GNAS-AS1: variants seen among roughly 807,000 people sequenced by gnomAD.
GNAS-AS1 encodes GNAS antisense RNA 1 (non-protein coding).
At chr20:58,839,055 T>G (rs2085640282) in intron 4 of GNAS-AS1, 1 of 398,432 alleles carries the variant, frequency 2.5e-6, no homozygotes, top group Non-Finnish European at 4.4e-6. Context: ...GACTTCCCTT[T>G]ACCCATGCTC....
intron 4 of GNAS-AS1, chr20:58,836,202 G>C (rs1039183960): frequency 6.6e-6 from 1 of 152,104 alleles, no homozygotes. Context: ...ACTTGCTCAC[G>C]CACACCACGA....
In GNAS-AS1 at chr20:58,840,369, A is replaced by G. The variant is rs369511579; in HGVS notation, n.819+1568T>C. 75 of 1,613,218 alleles carry G rather than the reference A, an allele frequency of 4.6e-5. No individual in the cohort carries two copies. Among genetic ancestry groups the G allele is most frequent in the Admixed American group, 2.0e-4 (12 of 60,006 alleles). ...CCCGAATCGGAATCTGACCACGAGC[A>G]CGAGGAGGCAGACCTTGAGCTGTCC... On this transcript the variant is annotated intron_variant and non_coding_transcript_variant, in intron 4 of 4. Transcript: ENST00000424094. The surrounding 1 kb of genome is among the most constrained non-coding windows in gnomAD (Gnocchi z 6.0).
At chr20:58,839,002 C>G (rs1467983247) in intron 4 of GNAS-AS1, 2 of 398,140 alleles carry the variant, frequency 5.0e-6, no homozygotes, top group East Asian at 7.1e-5. Context: ...CCTGAACTGC[C>G]CCGCAGGAGA....
chr20:58,830,023 A>C (rs886898942), intron 4 of GNAS-AS1, among the ~76,000 whole-genome samples: 2 of 152,106 alleles, frequency 1.3e-5, no homozygotes, highest in Non-Finnish European at 2.9e-5. Context: ...GGAAAGTGAA[A>C]TTAAAAAGAA....
At chr20:58,849,370 T>C (rs2086062287) in intron 1 of GNAS-AS1, among the ~76,000 whole-genome samples, 1 of 152,208 alleles carries the variant, frequency 6.6e-6, no homozygotes, top group East Asian at 1.9e-4. Context: ...TCTCCCTTTT[T>C]CCTGTCCAGT....
chr20:58,840,409 A>G lies in GNAS-AS1; in HGVS notation n.819+1528T>C, dbSNP rs1473205048. ...TTGAGCTGTCCCTCCCCGAGTGCCT[A>G]GAGTACGAGGAAGAGTTCGACTACG... is the stretch of plus-strand genomic sequence containing the variant. On this transcript the variant is annotated intron_variant and non_coding_transcript_variant, in intron 4 of 4. Coordinates refer to ENST00000424094, the Ensembl canonical transcript of GNAS-AS1. This position sits in a 1 kb window ranked among gnomAD's most constrained non-coding sequence, Gnocchi z 6.0. 1.2e-6 allele frequency: 2 copies of G among 1,613,484 alleles called. No homozygotes were observed. The highest frequency in any genetic ancestry group is 2.2e-5 in the South Asian group (2 of 91,082).
In GNAS-AS1 at chr20:58,841,471, G is replaced by C. The variant is rs1331938929; in HGVS notation, n.819+466C>G. 5.0e-6 allele frequency: 5 copies of C among 991,666 alleles called. No individual in the cohort carries two copies. Among genetic ancestry groups the C allele is most frequent in the Non-Finnish European group, 6.0e-6 (5 of 834,220 alleles). The allele number at this position is 991,666 out of a possible 1,614,324, so 61.4% of individuals were successfully genotyped here. ...CGCGGCGCCTAAGCAGCTCAGAGCCGGAGCCCAGGTCCCAGAGCTGACAAT... is the reference window on the plus strand; with the variant it reads ...CGCGGCGCCTAAGCAGCTCAGAGCCCGAGCCCAGGTCCCAGAGCTGACAAT... On this transcript the variant is annotated intron_variant and non_coding_transcript_variant, in intron 4 of 4. Transcript: ENST00000424094. The surrounding 1 kb of genome is among the most constrained non-coding windows in gnomAD (Gnocchi z 5.0).
At chr20:58,823,498 T>C (rs576386233) in intron 4 of GNAS-AS1, among the ~76,000 whole-genome samples, 38 of 152,338 alleles carry the variant, frequency 2.5e-4, no homozygotes, top group African/African-American at 8.4e-4. Flanking sequence ...GCCTGGAGCA[T>C]GCGGTGATGT....
chr20:58,831,444 A>T (rs2085568077), intron 4 of GNAS-AS1, among the ~76,000 whole-genome samples: 1 of 152,224 alleles, frequency 6.6e-6, no homozygotes. Context: ...TGGGAGGCCG[A>T]GGCGGGCAGA....
rs1190126697 is a variant in GNAS-AS1 at position 58,840,199 on chromosome 20, G to A, written n.819+1738C>T. The A allele has an allele frequency of 2.5e-6, 4 of 1,611,038 alleles. No individual in the cohort carries two copies. The highest frequency in any genetic ancestry group is 1.1e-5 in the South Asian group (1 of 91,066). On this transcript the variant is annotated intron_variant and non_coding_transcript_variant, in intron 4 of 4. Transcript: ENST00000424094. The surrounding 1 kb of genome is among the most constrained non-coding windows in gnomAD (Gnocchi z 6.0). Reference sequence around the variant, plus strand: ...CCATAGGCCGCCGGGCAGCCACCGCGCTCCTCTGGCTCTCCTGCTCCATCG... The same window carrying A: ...CCATAGGCCGCCGGGCAGCCACCGCACTCCTCTGGCTCTCCTGCTCCATCG...
At chr20:58,830,388 CCACCACCATCACTGCCA>C (rs1193703796) in intron 4 of GNAS-AS1, among the ~76,000 whole-genome samples, 12 of 142,674 alleles carry the variant, frequency 8.4e-5, no homozygotes, top group African/African-American at 3.2e-4. Context: ...ACCACAATCA[CCACCACCATCACTGCCA>C]CACCACCATC....
rs563624730 is a variant in GNAS-AS1, at chr20:58,841,340, A to C, written n.819+597T>G. On this transcript the variant is annotated intron_variant and non_coding_transcript_variant, in intron 4 of 4. Transcript: ENST00000424094. The surrounding 1 kb of genome is among the most constrained non-coding windows in gnomAD (Gnocchi z 5.0). ...TGCGCGCGCCAACTTTCACGATGTG[A>C]GAGCAGCCGCGCTGTAGAGACACCG... 308 of 1,059,842 alleles carry C rather than the reference A, an allele frequency of 2.9e-4. 1 individual carries two copies. Among genetic ancestry groups the C allele is most frequent in the Admixed American group, 4.0e-4 (8 of 20,182 alleles). The allele number at this position is 1,059,842 out of a possible 1,614,324, so 65.7% of individuals were successfully genotyped here. A position where few individuals can be genotyped will look rare whatever the true frequency, so the allele number is the denominator to read the frequency against.
chr20:58,835,255 C>T (rs1249317526), intron 4 of GNAS-AS1, among the ~76,000 whole-genome samples: 2 of 151,952 alleles, frequency 1.3e-5, no homozygotes, highest in Non-Finnish European at 1.5e-5. Flanking sequence ...AATGATTATC[C>T]AAAAAATATC....
chr20:58,830,480 ACC>A (rs2085555825), intron 4 of GNAS-AS1, among the ~76,000 whole-genome samples: 1 of 66,066 alleles, frequency 1.5e-5, no homozygotes, highest in Non-Finnish European at 3.0e-5. Flanking sequence ...CACCATCATC[ACC>A]ATCACCACCA....
chr20:58,830,397 T>TCACCAC (rs2085552366), intron 4 of GNAS-AS1, among the ~76,000 whole-genome samples: 2 of 30,502 alleles, frequency 6.6e-5, no homozygotes, highest in African/African-American at 2.7e-4. Flanking sequence ...ACCACCACCA[T>TCACCAC]CACTGCCACA....
intron 4 of GNAS-AS1, among the ~76,000 whole-genome samples, chr20:58,827,875 C>T (rs993384007): frequency 5.9e-5 from 9 of 152,204 alleles, no homozygotes; most frequent in African/African-American, 1.9e-4. Context: ...AGACATTAGC[C>T]TTAGCTTTAT....
intron 2 of GNAS-AS1, among the ~76,000 whole-genome samples, chr20:58,843,557 G>A (rs1000694280): frequency 1.3e-5 from 2 of 152,184 alleles, no homozygotes; most frequent in African/African-American, 4.8e-5. Flanking sequence ...TGAGGTCTGC[G>A]GGGTGAGGAT....
chr20:58,845,676 C>T (rs1227897166), intron 2 of GNAS-AS1, among the ~76,000 whole-genome samples: 1 of 152,102 alleles, frequency 6.6e-6, no homozygotes, highest in Non-Finnish European at 1.5e-5. Context: ...GTTTTCTTTC[C>T]CTTGTTTAAA....
In GNAS-AS1 at chr20:58,840,592, T is replaced by A. The variant is rs371368364; in HGVS notation, n.819+1345A>T. Reference sequence around the variant, plus strand: ...CCTTCGGCCAGTCCCTCACCCAGCGTCTGCACGCTCTCAAGTTGCGAAGCC... The same window carrying A: ...CCTTCGGCCAGTCCCTCACCCAGCGACTGCACGCTCTCAAGTTGCGAAGCC... On this transcript the variant is annotated intron_variant and non_coding_transcript_variant, in intron 4 of 4. Transcript: ENST00000424094. The surrounding 1 kb of genome is among the most constrained non-coding windows in gnomAD (Gnocchi z 6.0). The A allele has an allele frequency of 6.2e-7, 1 of 1,610,612 alleles. No individual in the cohort carries two copies. The highest frequency in any genetic ancestry group is 1.3e-5 in the African/African-American group (1 of 74,820).
Sources: gnomAD v4.1 joint callset for allele counts (sites outside exome capture counted in the v4.1 genomes callset) on GRCh38, gnomAD v4.1.1 for gene constraint, Gnocchi (gnomAD v3.1) non-coding constraint, MANE v1.5 for transcripts, NCBI Gene and HGNC (gene_info 2026-07-23, HGNC 2026-07-21) for gene names.